Variants in NUP62 observed in about 807,000 individuals in gnomAD.
The protein encoded by NUP62 is nuclear pore glycoprotein p62.
For missense variants in NUP62, 647 were observed against 689.4 expected, an observed-to-expected ratio of 0.94 and a Z score of 0.69; for synonymous variants, 305 against 303.4, an observed-to-expected ratio of 1.01 and a Z score of -0.05.
chr19:49,924,769 G>C (rs2075845484), intron 2 of NUP62, among the ~76,000 whole-genome samples: 1 of 152,192 alleles, frequency 6.6e-6, no homozygotes, highest in South Asian at 2.1e-4. Flanking sequence ...AGAGCTAAGG[G>C]TGCCAACTGG....
chr19:49,912,166 C>CGT (rs2075481591), intron 2 of NUP62, among the ~76,000 whole-genome samples: 1 of 115,486 alleles, frequency 8.7e-6, no homozygotes, highest in Non-Finnish European at 1.7e-5. Flanking sequence ...AACAGTTCAC[C>CGT]TTTTTTTTTT....
chr19:49,908,522 T>C lies in NUP62; in HGVS notation c.1286A>G (p.Glu429Gly), dbSNP rs1357897713. The change falls in exon 3 of 3, where the codon GAG (glutamate) becomes GGG (glycine). Residue 429 changes from glutamate to glycine, a missense_variant. Coordinates refer to ENST00000352066, the MANE Select transcript of NUP62 (RefSeq NM_016553.5). ...AGCCAGCTTGTAGGTTTTCTCACGC[T>C]CCTCATCCGCGTGCTGCAGGTAGAT... Reference protein sequence around the residue: ...GTIYLQHADEEREKTYKLAEN... With the variant: ...GTIYLQHADEGREKTYKLAEN... 1 of 1,614,028 alleles carries C rather than the reference T, an allele frequency of 6.2e-7. No individual in the cohort carries two copies. The highest frequency in any genetic ancestry group is 8.5e-7 in the Non-Finnish European group (1 of 1,180,036).
rs7252011 is a variant in NUP62, at chr19:49,909,445, G to A, written c.363C>T (p.Leu121=). The change falls in exon 3 of 3, where the codon CTC becomes CTT. Residue 121 remains leucine (L), a synonymous_variant. Coordinates refer to ENST00000352066, the MANE Select transcript of NUP62 (RefSeq NM_016553.5). Reference sequence around the variant, plus strand: ...TGACGGTGCTCGATATGGCATTAGTGAGGTTGCTGCTGCCCAGCCCAAAGC... The same window carrying A: ...TGACGGTGCTCGATATGGCATTAGTAAGGTTGCTGCTGCCCAGCCCAAAGC... ...PSGFGLGSSN[L]TNAISSTVTS... is the part of the protein sequence containing the mutation. The A allele has an allele frequency of 1.1e-4, 183 of 1,614,096 alleles. No individual in the cohort carries two copies. The African/African-American group carries it at 2.2e-3, about 19-fold the overall frequency.
intron 1 of NUP62, chr19:49,928,019 C>A (rs2075948175): frequency 6.6e-6 from 1 of 152,306 alleles, no homozygotes; most frequent in Non-Finnish European, 1.5e-5. Flanking sequence ...AAGGACGCAG[C>A]TGGGGCCTCG....
chr19:49,921,312 C>T lies in NUP62; in HGVS notation c.-78+6382G>A, dbSNP rs1031956014. On this transcript the variant is annotated intron_variant, in intron 2 of 2. Transcript: ENST00000352066. This position sits in a 1 kb window ranked among gnomAD's most constrained non-coding sequence, Gnocchi z 5.4. ...CTGGCCCCACAGCTGAGCTCCTAAC[C>T]GCACCGAGCCTCTCCAAAACATGGT... Among the ~76,000 whole-genome samples, 2 of 152,142 alleles carry T rather than the reference C, an allele frequency of 1.3e-5. No homozygotes were observed. Among genetic ancestry groups the T allele is most frequent in the South Asian group, 4.1e-4 (2 of 4,830 alleles).
In NUP62 at chr19:49,908,968, G is replaced by A. The variant is rs1394280293; in HGVS notation, c.840C>T (p.Thr280=). 6.2e-7 allele frequency: 1 copy of A among 1,608,636 alleles called. No individual in the cohort carries two copies. Among genetic ancestry groups the A allele is most frequent in the Non-Finnish European group, 8.5e-7 (1 of 1,176,938 alleles). Residue 280 remains threonine, a synonymous_variant, in exon 3 of 3, where the codon ACC becomes ACT. Transcript: ENST00000352066. The part of the protein sequence containing the change: ...TTSTAATATA[T]TTSSSSTTGF... The stretch of plus-strand genomic sequence containing the variant: ...CGGTGGTGCTGCTGCTGCTGGTGGT[G>A]GTGGCGGTGGCGGTGGCAGCGGTGG...
At chr19:49,915,634 A>C (rs1270114143) in intron 2 of NUP62, among the ~76,000 whole-genome samples, 1 of 152,250 alleles carries the variant, frequency 6.6e-6, no homozygotes, top group Non-Finnish European at 1.5e-5. Context: ...AAAGAACAGA[A>C]TGAAATCTAG....
intron 2 of NUP62, among the ~76,000 whole-genome samples, chr19:49,920,221 T>C (rs1032961148): frequency 1.3e-5 from 2 of 152,226 alleles, no homozygotes; most frequent in Non-Finnish European, 2.9e-5. Context: ...TAGCTGGGAC[T>C]ACAGGCGCGT....
chr19:49,924,672 G>C (rs1039735265), intron 2 of NUP62, among the ~76,000 whole-genome samples: 1 of 152,188 alleles, frequency 6.6e-6, no homozygotes, highest in African/African-American at 2.4e-5. Context: ...GCACACGAGG[G>C]GACTCAGGGT....
intron 2 of NUP62, among the ~76,000 whole-genome samples, chr19:49,920,296 T>C (rs2075733808): frequency 1.3e-5 from 2 of 152,204 alleles, no homozygotes; most frequent in Non-Finnish European, 2.9e-5. Flanking sequence ...TTGGCCAGGA[T>C]GGTATGAATC....
In NUP62 at chr19:49,909,081, C is replaced by T. The variant is rs374900649; in HGVS notation, c.727G>A (p.Val243Met). 3.7e-6 allele frequency: 6 copies of T among 1,612,700 alleles called. No homozygotes were observed. The highest frequency in any genetic ancestry group is 1.3e-5 in the African/African-American group (1 of 75,028). ...ATTGLSLCTP[V>M]TTAGAPTAGT... The stretch of plus-strand genomic sequence containing the variant: ...GCAGTGGGGGCGCCCGCTGTGGTCA[C>T]AGGGGTACAGAGGGAGAGTCCAGTG... The change falls in exon 3 of 3, where the codon GTG (valine) becomes ATG (methionine). Residue 243 changes from valine to methionine, a missense_variant. Transcript: ENST00000352066.
intron 2 of NUP62, among the ~76,000 whole-genome samples, chr19:49,914,888 C>T (rs2075585417): frequency 1.3e-5 from 2 of 151,622 alleles, no homozygotes; most frequent in Admixed American, 1.3e-4. Context: ...TACAGGCGTG[C>T]ACCACCATGC....
chr19:49,912,698 TACACAAAAA>T (rs2075504711), intron 2 of NUP62, among the ~76,000 whole-genome samples: 1 of 152,036 alleles, frequency 6.6e-6, no homozygotes, highest in Non-Finnish European at 1.5e-5. Context: ...ATGCTGTCTC[TACACAAAAA>T]ACACAAAAAT....
At chr19:49,916,199 G>A (rs914609270) in intron 2 of NUP62, among the ~76,000 whole-genome samples, 2 of 152,176 alleles carry the variant, frequency 1.3e-5, no homozygotes, top group Non-Finnish European at 2.9e-5. Context: ...TGCCTGGGAC[G>A]GGAGAGTTTC....
In NUP62 at chr19:49,921,920, T is replaced by C. The variant is rs1362555825; in HGVS notation, c.-78+5774A>G. Among the ~76,000 whole-genome samples, 1 of 152,142 alleles carries C rather than the reference T, an allele frequency of 6.6e-6. No individual in the cohort carries two copies. The highest frequency in any genetic ancestry group is 2.4e-5 in the African/African-American group (1 of 41,424). Reference sequence around the variant, plus strand: ...AGCGGTGGCTCTCACCTCCCTTCCATCTTGGCAGGATGAGTGCATTTGCTG... The same window carrying C: ...AGCGGTGGCTCTCACCTCCCTTCCACCTTGGCAGGATGAGTGCATTTGCTG... On this transcript the variant is annotated intron_variant, in intron 2 of 2. Coordinates refer to ENST00000352066, the MANE Select transcript of NUP62 (RefSeq NM_016553.5). The surrounding 1 kb of genome is among the most constrained non-coding windows in gnomAD (Gnocchi z 5.4).
At position 49,929,348 on chromosome 19, in the gene NUP62, A is replaced by G. The variant is rs2076009154; in HGVS notation, c.-222T>C. The G allele has an allele frequency of 6.5e-6, 1 of 153,914 alleles. No individual in the cohort carries two copies. Among genetic ancestry groups the G allele is most frequent in the Non-Finnish European group, 1.4e-5 (1 of 69,734 alleles). The allele number at this position is 153,914 out of a possible 1,614,324, so 9.5% of individuals were successfully genotyped here. Reference sequence around the variant, plus strand: ...CACCACGCCTGCGCTCTCCGCTCCCACCTTCTTTCTTCAGCCGAGGCCGCC... The same window carrying G: ...CACCACGCCTGCGCTCTCCGCTCCCGCCTTCTTTCTTCAGCCGAGGCCGCC... On this transcript the variant is annotated 5_prime_UTR_variant, in exon 1 of 3. Coordinates refer to ENST00000352066, the MANE Select transcript of NUP62 (RefSeq NM_016553.5).
At chr19:49,914,383 C>A (rs960080028) in intron 2 of NUP62, among the ~76,000 whole-genome samples, 4 of 152,142 alleles carry the variant, frequency 2.6e-5, no homozygotes, top group African/African-American at 4.8e-5. Flanking sequence ...GTGCTCAGGG[C>A]TGGGTGGCTG....
At position 49,908,325 on chromosome 19, in the gene NUP62, G is replaced by A. The variant is rs61743757; in HGVS notation, c.1483C>T (p.Leu495=). The A allele has an allele frequency of 9.2e-4, 1,492 of 1,614,086 alleles. 14 individuals carry two copies. The African/African-American group carries it at 0.017, about 19-fold the overall frequency. Residue 495 remains leucine, a synonymous_variant, in exon 3 of 3, where the codon CTG becomes TTG. Coordinates refer to ENST00000352066, the MANE Select transcript of NUP62 (RefSeq NM_016553.5). ...LQWIDQNSAL[L]QRKVEEVTKV... ...GTCACCTCCTCCACCTTCCTCTGCA[G>A]CAGGGCCGAGTTCTGGTCGATCCAC...
Position 49,908,238 on chromosome 19 carries a change from C to G in NUP62, c.*1G>C. On this transcript the variant is annotated 3_prime_UTR_variant, in exon 3 of 3. Transcript: ENST00000352066. ...CCTGCGGGCCCCAGGGCTGCTGTCG[C>G]TCAGTCAAAGGTGATCCGGAAGCTG... 15 of 1,612,942 alleles carry G rather than the reference C, an allele frequency of 9.3e-6. No individual in the cohort carries two copies. The highest frequency in any genetic ancestry group is 1.3e-5 in the Non-Finnish European group (15 of 1,180,010).
Sources: allele counts gnomAD v4.1 joint callset (sites outside exome capture counted in the v4.1 genomes callset), GRCh38; gene constraint gnomAD v4.1.1; non-coding constraint Gnocchi (gnomAD v3.1); transcripts MANE v1.5; gene names NCBI Gene and HGNC (gene_info 2026-07-23, HGNC 2026-07-21).